Variants in PKHD1 observed in about 807,000 individuals in gnomAD.
PKHD1 encodes the protein fibrocystin.
In PKHD1, 291 loss-of-function variants were observed where a neutral mutation model predicts 412.0. That is an observed-to-expected ratio of 0.71 (90% CI 0.64 to 0.78). The LOEUF is 0.78. Among genes scored for constraint, PKHD1 ranks in the 30% least tolerant of loss-of-function variants. PKHD1 has a pLI of 0.00. For missense variants in PKHD1, 4,825 were observed against 4,950.7 expected (o/e 0.97, Z 0.76); for synonymous variants, 1,777 against 1,821.5 (o/e 0.98, Z 0.62).
intron 34 of PKHD1, among the ~76,000 whole-genome samples, chr6:52,012,892 A>G (rs1352240748): frequency 6.6e-6 from 1 of 152,246 alleles, no homozygotes; most frequent in Non-Finnish European, 1.5e-5. Context: ...CTGAAGGCTC[A>G]CAAACTATCT....
intron 37 of PKHD1, among the ~76,000 whole-genome samples, chr6:51,930,550 C>T (rs1285352659): frequency 1.3e-5 from 2 of 152,106 alleles, no homozygotes; most frequent in East Asian, 3.8e-4. Flanking sequence ...TCAGCTGGAG[C>T]AGAAGGGTTT....
rs1314352919 is a variant in PKHD1 at position 52,022,886 on chromosome 6, G to A, written c.5295C>T (p.Val1765=). 3 of 1,613,992 alleles carry A rather than the reference G, an allele frequency of 1.9e-6. No individual in the cohort carries two copies. The highest frequency in any genetic ancestry group is 1.6e-4 in the Middle Eastern group (1 of 6,084). The change falls in exon 33 of 67, where the codon GTC becomes GTT. Residue 1765 remains valine (V), a synonymous_variant. Coordinates refer to ENST00000371117, the MANE Select transcript of PKHD1 (RefSeq NM_138694.4). ...VFGAGFSPGN[V]SAAVCGAPCR... ...AGGGAGCACCACACACAGCAGCTGAGACATTCCCTGGAGAAAATCCCGCTC... is the reference window on the plus strand; with the variant it reads ...AGGGAGCACCACACACAGCAGCTGAAACATTCCCTGGAGAAAATCCCGCTC...
intron 11 of PKHD1, among the ~76,000 whole-genome samples, chr6:52,067,206 C>T (rs1387613452): frequency 6.6e-6 from 1 of 152,126 alleles, no homozygotes; most frequent in African/African-American, 2.4e-5. Context: ...ACTCAGATAC[C>T]AAAATTCACC....
intron 35 of PKHD1, among the ~76,000 whole-genome samples, chr6:51,981,321 CCCTCT>C (rs1795155817): frequency 9.2e-4 from 15 of 16,288 alleles, no homozygotes; most frequent in South Asian, 5.1e-3. Flanking sequence ...CTCTCCCTCT[CCCTCT>C]CCCTCTCCCT....
intron 64 of PKHD1, 31 bp downstream of exon 64, chr6:51,638,815 AAAC>A (rs1301064064): frequency 3.0e-6 from 4 of 1,327,458 alleles, no homozygotes; most frequent in African/African-American, 1.5e-5. Context: ...AAAAAAAAAA[AAAC>A]ACAGAATAAA....
chr6:51,993,493 A>C (rs1047127834), intron 35 of PKHD1, among the ~76,000 whole-genome samples: 1 of 152,214 alleles, frequency 6.6e-6, no homozygotes, highest in Non-Finnish European at 1.5e-5. Context: ...TTTTTTGCTA[A>C]GTTAAATTAC....
intron 35 of PKHD1, among the ~76,000 whole-genome samples, chr6:52,000,400 G>A (rs980729212): frequency 7.2e-5 from 11 of 151,864 alleles, no homozygotes; most frequent in Admixed American, 2.0e-4. Flanking sequence ...TATTTGGAAA[G>A]GCTCAGAAAA....
At chr6:51,856,937 T>C (rs1241773167) in intron 48 of PKHD1, among the ~76,000 whole-genome samples, 2 of 152,252 alleles carry the variant, frequency 1.3e-5, no homozygotes, top group Non-Finnish European at 2.9e-5. Context: ...AGTGACATTT[T>C]CTAATGTATA....
At chr6:51,725,024 T>C (rs1020073501) in intron 60 of PKHD1, among the ~76,000 whole-genome samples, 9 of 152,190 alleles carry the variant, frequency 5.9e-5, no homozygotes, top group African/African-American at 2.2e-4. Flanking sequence ...CTTTATGCCA[T>C]GTGGCTCAGA....
intron 6 of PKHD1, among the ~76,000 whole-genome samples, chr6:52,074,462 A>G (rs1436909138): frequency 1.3e-5 from 2 of 152,236 alleles, no homozygotes; most frequent in East Asian, 3.8e-4. Flanking sequence ...ACTGCTAAAA[A>G]AAATCTGGCA....
In PKHD1 at chr6:51,960,043, T is replaced by G. The variant is rs1435302678; in HGVS notation, c.5752-17A>C. The G allele has an allele frequency of 6.2e-7, 1 of 1,612,800 alleles. No homozygotes were observed. The highest frequency in any genetic ancestry group is 1.7e-5 in the Admixed American group (1 of 59,926). ...AAAGTTGCCCTGGAAAACAGAGAGC[T>G]GGGTTGGTGGGTTGGTTGGTTGGTT... is the stretch of plus-strand genomic sequence containing the variant. On this transcript the variant is annotated splice_polypyrimidine_tract_variant and intron_variant, in intron 35 of 66. Transcript: ENST00000371117.
chr6:51,834,950 G>A (rs1026510787), intron 51 of PKHD1, among the ~76,000 whole-genome samples: 2 of 152,138 alleles, frequency 1.3e-5, no homozygotes, highest in Non-Finnish European at 2.9e-5. Flanking sequence ...ACTGACTACT[G>A]ATATGACTAA....
At chr6:51,964,646 A>G (rs909408977) in intron 35 of PKHD1, among the ~76,000 whole-genome samples, 1 of 152,184 alleles carries the variant, frequency 6.6e-6, no homozygotes, top group Non-Finnish European at 1.5e-5. Flanking sequence ...GAATGAATAA[A>G]TGGTCAACTC....
chr6:52,072,948 T>C (rs1810846745), intron 7 of PKHD1, among the ~76,000 whole-genome samples: 2 of 152,212 alleles, frequency 1.3e-5, no homozygotes, highest in South Asian at 2.1e-4. Flanking sequence ...AGTAACACTT[T>C]CCACCACGTC....
At chr6:51,736,974 C>T (rs755380719) in intron 60 of PKHD1, among the ~76,000 whole-genome samples, 6 of 152,160 alleles carry the variant, frequency 3.9e-5, no homozygotes, top group Admixed American at 6.5e-5. Flanking sequence ...AGTTAGAAAC[C>T]ACTTCATCAC....
At chr6:52,073,371 G>T in intron 7 of PKHD1, 92 bp downstream of exon 7, 3 of 846,410 alleles carry the variant, frequency 3.5e-6, no homozygotes, top group South Asian at 1.3e-5. Flanking sequence ...TGTGCCAACT[G>T]CTTACAATTT....
At chr6:51,996,842 C>T (rs924708189) in intron 35 of PKHD1, among the ~76,000 whole-genome samples, 9 of 152,334 alleles carry the variant, frequency 5.9e-5, no homozygotes, top group Middle Eastern at 3.4e-3. Context: ...TGTTTGCTGA[C>T]GGCAATGTCC....
intron 50 of PKHD1, among the ~76,000 whole-genome samples, chr6:51,839,233 A>G (rs1317775370): frequency 6.6e-6 from 1 of 152,240 alleles, no homozygotes; most frequent in Non-Finnish European, 1.5e-5. Flanking sequence ...TGACTTGGGA[A>G]GAGTTTAAAA....
intron 63 of PKHD1, among the ~76,000 whole-genome samples, chr6:51,641,899 G>A (rs566137589): frequency 6.6e-6 from 1 of 152,270 alleles, no homozygotes; most frequent in South Asian, 2.1e-4. Flanking sequence ...CTGTCAGGGA[G>A]TGGGGAGCAA....
Sources: allele counts gnomAD v4.1 joint callset (sites outside exome capture counted in the v4.1 genomes callset), GRCh38; gene constraint gnomAD v4.1.1; transcripts MANE v1.5; gene names NCBI Gene and HGNC (gene_info 2026-07-23, HGNC 2026-07-21).